Variants in FAM193A observed in about 807,000 individuals in gnomAD.
FAM193A encodes protein FAM193A.
Under a neutral mutation model 126.5 loss-of-function variants are expected in FAM193A, and 22 were observed. The observed-to-expected ratio is 0.17, with a 90% CI of 0.12 to 0.25. The LOEUF (loss-of-function observed/expected upper bound fraction) is 0.25, where lower values mean the gene tolerates loss of function less well. Among genes scored for constraint, FAM193A ranks in the 10% least tolerant of loss-of-function variants. The pLI is 1.00. For synonymous variants in FAM193A, 761 were observed against 646.8 expected (o/e 1.18, Z -2.68); for missense variants, 1,675 against 1,672.8 (o/e 1.00, Z -0.02).
intron 1 of FAM193A, among the ~76,000 whole-genome samples, chr4:2,540,717 T>C (rs901348655): frequency 6.6e-6 from 1 of 151,800 alleles, no homozygotes; most frequent in Non-Finnish European, 1.5e-5. Context: ...TCCCAGCACT[T>C]TGGGAGGCTG....
intron 18 of FAM193A, 101 bp downstream of exon 18, chr4:2,696,694 G>A: frequency 1.2e-6 from 1 of 835,168 alleles, no homozygotes; most frequent in East Asian, 2.7e-5. Context: ...CAGGAGGTCG[G>A]GGCTCTGACG....
chr4:2,628,749 T>G (rs1743229808), intron 4 of FAM193A, among the ~76,000 whole-genome samples: 1 of 152,236 alleles, frequency 6.6e-6, no homozygotes. Flanking sequence ...CTTCAGTACT[T>G]TAGAGTAGCA....
At position 2,732,065 on chromosome 4, in the gene FAM193A, A is replaced by G; in HGVS notation, c.*197A>G. 1.7e-6 allele frequency: 1 copy of G among 587,422 alleles called. No homozygotes were observed. The highest frequency in any genetic ancestry group is 3.1e-6 in the Non-Finnish European group (1 of 327,014). The allele number at this position is 587,422 out of a possible 1,614,324, so 36.4% of individuals were successfully genotyped here. ...CGTGTGCGTGTAGTCTGTGCGTGAG[A>G]CTCCTTCGATTGTAGCTCTGTGCTG... is the stretch of plus-strand genomic sequence containing the variant. On this transcript the variant is annotated 3_prime_UTR_variant, in exon 21 of 21. Transcript: ENST00000637812.
intron 19 of FAM193A, among the ~76,000 whole-genome samples, chr4:2,706,150 A>G (rs536109853): frequency 2.6e-5 from 4 of 152,276 alleles, no homozygotes; most frequent in Non-Finnish European, 2.9e-5. Context: ...TGAGATTACA[A>G]TGAGCTATAA....
chr4:2,666,259 G>A (rs1409957348), intron 12 of FAM193A, among the ~76,000 whole-genome samples: 1 of 152,146 alleles, frequency 6.6e-6, no homozygotes, highest in African/African-American at 2.4e-5. Context: ...TTTTCTGCAT[G>A]TGTTGCGATC....
intron 1 of FAM193A, among the ~76,000 whole-genome samples, chr4:2,584,298 G>A (rs1204721692): frequency 1.3e-5 from 2 of 151,658 alleles, no homozygotes; most frequent in Admixed American, 6.6e-5. Flanking sequence ...TTGGTGGCTC[G>A]CACCTGTAAT....
At chr4:2,560,745 C>T (rs538715557) in intron 1 of FAM193A, among the ~76,000 whole-genome samples, 9 of 152,236 alleles carry the variant, frequency 5.9e-5, no homozygotes, top group African/African-American at 2.2e-4. Context: ...TGAATCTTTC[C>T]ACTTCTGTTG....
chr4:2,659,897 C>A lies in FAM193A; in HGVS notation c.1588C>A (p.Gln530Lys). The part of the protein sequence containing the change: ...PPVTDDIHIH[Q>K]LPLQVDPAPD... ...CGTCACTGATGACATCCACATTCACCAGCTCCCACTTCAAGTGGATCCTGC... is the reference window on the plus strand; with the variant it reads ...CGTCACTGATGACATCCACATTCACAAGCTCCCACTTCAAGTGGATCCTGC... Residue 530 changes from glutamine to lysine, a missense_variant, in exon 10 of 21, where the codon CAG becomes AAG. By Grantham distance (53) the Gln-to-Lys change is moderately conservative (BLOSUM62 1). Transcript: ENST00000637812. 2 of 1,614,148 alleles carry A rather than the reference C, an allele frequency of 1.2e-6. No individual in the cohort carries two copies. The highest frequency in any genetic ancestry group is 2.2e-5 in the South Asian group (2 of 91,076).
chr4:2,573,152 T>C (rs1224179964), intron 1 of FAM193A, among the ~76,000 whole-genome samples: 1 of 152,096 alleles, frequency 6.6e-6, no homozygotes, highest in African/African-American at 2.4e-5. Context: ...CTTGTGTCTC[T>C]CCCTCTCCTG....
chr4:2,639,922 G>T (rs1397822600), intron 6 of FAM193A, 63 bp downstream of exon 6: 39 of 1,528,146 alleles, frequency 2.6e-5, no homozygotes, highest in Middle Eastern at 1.7e-4. Context: ...CTCCTGACTG[G>T]TGTGCGTGTA....
chr4:2,649,035 G>A (rs1288184659), intron 7 of FAM193A, among the ~76,000 whole-genome samples: 1 of 152,176 alleles, frequency 6.6e-6, no homozygotes, highest in Non-Finnish European at 1.5e-5. Flanking sequence ...TTTTAGTGTT[G>A]TGTGAGCTTT....
At chr4:2,567,106 A>ATT (rs570577167) in intron 1 of FAM193A, among the ~76,000 whole-genome samples, 17 of 137,900 alleles carry the variant, frequency 1.2e-4, no homozygotes, top group African/African-American at 2.7e-4. Context: ...TGCCCGGCTC[A>ATT]TTTTTTTTTT....
intron 2 of FAM193A, among the ~76,000 whole-genome samples, chr4:2,600,005 T>G (rs1336190598): frequency 2.6e-5 from 4 of 151,496 alleles, no homozygotes; most frequent in Non-Finnish European, 4.4e-5. Flanking sequence ...GTTCAGGTGA[T>G]TCTCATGCCT....
intron 20 of FAM193A, among the ~76,000 whole-genome samples, chr4:2,728,325 C>G (rs1720989202): frequency 7.1e-6 from 1 of 141,714 alleles, no homozygotes. Context: ...CCACCTCAGT[C>G]TTCCAAAGTA....
chr4:2,646,631 C>G, intron 6 of FAM193A, 54 bp from the exon 7 acceptor site: 2 of 1,526,504 alleles, frequency 1.3e-6, no homozygotes, highest in Non-Finnish European at 1.8e-6. Context: ...TTTCTGATCT[C>G]TGCTTCAGAG....
At chr4:2,635,008 G>A (rs146149559) in intron 5 of FAM193A, among the ~76,000 whole-genome samples, 1 of 152,088 alleles carries the variant, frequency 6.6e-6, no homozygotes, top group African/African-American at 2.4e-5. Context: ...TTTAGTATGG[G>A]TCCCAGACAA....
intron 1 of FAM193A, among the ~76,000 whole-genome samples, chr4:2,564,734 G>A (rs1578606577): frequency 6.6e-6 from 1 of 152,246 alleles, no homozygotes; most frequent in East Asian, 1.9e-4. Context: ...ATTTGGAAGA[G>A]TAAATGGTTA....
intron 2 of FAM193A, among the ~76,000 whole-genome samples, chr4:2,613,057 A>G (rs1741971793): frequency 6.6e-6 from 1 of 152,214 alleles, no homozygotes; most frequent in African/African-American, 2.4e-5. Flanking sequence ...TGAATATGGT[A>G]TAACTCTTCA....
intron 1 of FAM193A, among the ~76,000 whole-genome samples, chr4:2,584,609 GTTTCC>G (rs1436520947): frequency 9.2e-5 from 14 of 152,118 alleles, no homozygotes; most frequent in African/African-American, 3.1e-4. Context: ...CTCGATTACA[GTTTCC>G]TTTCTTTTCC....
Sources: allele counts gnomAD v4.1 joint callset (sites outside exome capture counted in the v4.1 genomes callset), GRCh38; gene constraint gnomAD v4.1.1; transcripts MANE v1.5; gene names NCBI Gene and HGNC (gene_info 2026-07-23, HGNC 2026-07-21).